HIP1: variants seen among roughly 807,000 people sequenced by gnomAD.
HIP1 encodes huntingtin-interacting protein 1.
A neutral mutation model predicts 147.6 loss-of-function variants in HIP1; 65 were observed. The ratio of observed to expected loss-of-function variants is 0.44; its 90% CI spans 0.36 to 0.54. The LOEUF is 0.54. HIP1 is among the 20% of genes least tolerant of loss of function. The pLI is 0.00. For synonymous variants in HIP1, 479 were observed against 504.0 expected (o/e 0.95, Z 0.67); for missense variants, 1,061 against 1,299.6 (o/e 0.82, Z 2.82).
chr7:75,600,698 T>C (rs1554502806), intron 1 of HIP1, among the ~76,000 whole-genome samples: 4 of 152,210 alleles, frequency 2.6e-5, no homozygotes, highest in Non-Finnish European at 5.9e-5. Flanking sequence ...CTTGGTTTTC[T>C]TGAATGTATC....
intron 2 of HIP1, among the ~76,000 whole-genome samples, chr7:75,595,251 T>TCTTTCTTTTTCTTTCTTTCTTTCTTC (rs1491144475): frequency 1.7e-5 from 1 of 59,504 alleles, no homozygotes; most frequent in Non-Finnish European, 3.1e-5. Context: ...TTTCTTTCTT[T>TCTTTCTTTTTCTTTCTTTCTTTCTTC]CTTCCTTCCT....
Position 75,659,317 on chromosome 7 carries a change from T to A in HIP1, c.121-60070A>T, listed in dbSNP as rs2696204. Among the ~76,000 whole-genome samples the A allele has an allele frequency of 8.9e-3, 1,351 of 152,278 alleles. 23 individuals are homozygous for A. Among genetic ancestry groups the A allele is most frequent in the African/African-American group, 0.031 (1,283 of 41,556 alleles). On this transcript the variant is annotated intron_variant, in intron 1 of 30. Coordinates refer to ENST00000336926, the MANE Select transcript of HIP1 (RefSeq NM_005338.7). ...GGGAATGCCCATTGCCAGACATGCA[T>A]CCTTATCTTTAATATTCACAATGCT...
rs150653095 is a variant in HIP1 at position 75,702,337 on chromosome 7, T to G, written c.120+36464A>C. Among the ~76,000 whole-genome samples the G allele has an allele frequency of 2.2e-3, 337 of 152,302 alleles. 3 individuals are homozygous for G. In the East Asian group the frequency reaches 0.035, roughly 16 times the overall value. ...GTTGGCCAGGCTGGTCTTGAACTCC[T>G]GACCCCATGATCTGCCTGCCTCGGC... On this transcript the variant is annotated intron_variant, in intron 1 of 30. Transcript: ENST00000336926.
intron 7 of HIP1, among the ~76,000 whole-genome samples, chr7:75,579,890 GAGT>G (rs1554498286): frequency 1.3e-5 from 2 of 152,144 alleles, no homozygotes; most frequent in African/African-American, 2.4e-5. Flanking sequence ...TTGTCTTTCA[GAGT>G]TGGATGCTTG....
rs372958531 is a variant in HIP1, at chr7:75,549,027, C to T, written c.2296-26G>A. 63 of 1,536,162 alleles carry T rather than the reference C, an allele frequency of 4.1e-5. No homozygotes were observed. In the African/African-American group the frequency reaches 7.9e-4, roughly 19 times the overall value. ...CTGTGAACACATCACAAAGGCTGAA[C>T]TGACCTTGGGGCCTCCTGTCTCTTC... On this transcript the variant is annotated intron_variant, in intron 22 of 30. Coordinates refer to ENST00000336926, the MANE Select transcript of HIP1 (RefSeq NM_005338.7).
intron 8 of HIP1, among the ~76,000 whole-genome samples, chr7:75,571,882 C>T (rs1584813770): frequency 6.6e-6 from 1 of 152,240 alleles, no homozygotes; most frequent in East Asian, 1.9e-4. Flanking sequence ...CTGTGCCCAC[C>T]CCAGACACAT....
At chr7:75,669,784 T>C (rs1554515064) in intron 1 of HIP1, among the ~76,000 whole-genome samples, 3 of 152,192 alleles carry the variant, frequency 2.0e-5, no homozygotes, top group Non-Finnish European at 2.9e-5. Flanking sequence ...TGTTGTAGCA[T>C]GAATCAGCAC....
intron 1 of HIP1, 114 bp downstream of exon 1, chr7:75,738,687 C>A: frequency 7.7e-7 from 1 of 1,291,082 alleles, no homozygotes. Flanking sequence ...GCTCACTACA[C>A]CCTCGCCCCG....
Position 75,592,127 on chromosome 7 carries a change from G to T in HIP1, c.328-15C>A. The T allele has an allele frequency of 6.2e-7, 1 of 1,610,512 alleles. No homozygotes were observed. Among genetic ancestry groups the T allele is most frequent in the Non-Finnish European group, 8.5e-7 (1 of 1,176,812 alleles). ...TCCTTCAGGACCTGCAGGGGCAAAA[G>T]AACAGCCTGTGAGAGAATGGAGAAG... On this transcript the variant is annotated splice_polypyrimidine_tract_variant and intron_variant, in intron 3 of 30. Transcript: ENST00000336926.
rs915166721 is a variant in HIP1 at position 75,535,570 on chromosome 7, G to T, written c.*2602C>A. The T allele has an allele frequency of 1.1e-5, 2 of 181,282 alleles. No homozygotes were observed. Among genetic ancestry groups the T allele is most frequent in the Non-Finnish European group, 2.4e-5 (2 of 84,918 alleles). 11.2% of individuals were successfully genotyped at this position (181,282 alleles called of 1,614,324 possible). A position where few individuals can be genotyped will look rare whatever the true frequency, so the allele number is the denominator to read the frequency against. On this transcript the variant is annotated 3_prime_UTR_variant, in exon 31 of 31. Coordinates refer to ENST00000336926, the MANE Select transcript of HIP1 (RefSeq NM_005338.7). ...AGATGAGGTCTTGCTATGATGCCCA[G>T]CCTGGTCTCAAACTCCTGAGCTCAA...
In HIP1 at chr7:75,598,358, C is replaced by G. The variant is rs1796833677; in HGVS notation, c.184+826G>C. ...GTTACAGTGAGCCGAGAACATGCCA[C>G]TGCCCTCCAGCCTGGGCAACAGAGT... On this transcript the variant is annotated intron_variant, in intron 2 of 30. Transcript: ENST00000336926. Among the ~76,000 whole-genome samples, 4 of 150,676 alleles carry G rather than the reference C, an allele frequency of 2.7e-5. No homozygotes were observed. The East Asian group carries it at 7.7e-4, about 29-fold the overall frequency.
intron 1 of HIP1, among the ~76,000 whole-genome samples, chr7:75,708,321 T>G (rs979514306): frequency 5.3e-5 from 8 of 152,200 alleles, no homozygotes; most frequent in Admixed American, 6.6e-5. Flanking sequence ...ATGTTGATAG[T>G]GTCTATTGAT....
At chr7:75,602,942 A>G (rs1554503260) in intron 1 of HIP1, among the ~76,000 whole-genome samples, 1 of 151,958 alleles carries the variant, frequency 6.6e-6, no homozygotes, top group African/African-American at 2.4e-5. Flanking sequence ...AAGAAGATGT[A>G]GGGATCCAGA....
At chr7:75,726,572 C>T (rs756639373) in intron 1 of HIP1, among the ~76,000 whole-genome samples, 26 of 152,240 alleles carry the variant, frequency 1.7e-4, no homozygotes, top group Non-Finnish European at 2.9e-4. Context: ...GCATGAGCCA[C>T]CATGCCTGGC....
intron 1 of HIP1, among the ~76,000 whole-genome samples, chr7:75,691,952 A>T (rs1291613727): frequency 3.9e-5 from 6 of 152,062 alleles, no homozygotes; most frequent in African/African-American, 1.4e-4. Context: ...GGGTGAAAGT[A>T]TCTTGGAACT....
chr7:75,686,544 C>T (rs1438319894), intron 1 of HIP1, among the ~76,000 whole-genome samples: 7 of 152,128 alleles, frequency 4.6e-5, no homozygotes, highest in East Asian at 1.9e-4. Context: ...GCGCAGGGAG[C>T]TTATTTGGTA....
At chr7:75,586,675 C>A in intron 5 of HIP1, 78 bp downstream of exon 5, 2 of 876,696 alleles carry the variant, frequency 2.3e-6, no homozygotes, top group Non-Finnish European at 3.8e-6. Context: ...AAAGAGCTGA[C>A]AAATGAGCCC....
chr7:75,598,269 C>T (rs587706602), intron 2 of HIP1, among the ~76,000 whole-genome samples: 23 of 152,150 alleles, frequency 1.5e-4, no homozygotes, highest in Admixed American at 1.3e-3. Context: ...TGGTGGCACA[C>T]GCCTGTCATC....
intron 1 of HIP1, among the ~76,000 whole-genome samples, chr7:75,709,935 A>C (rs1360160033): frequency 6.6e-6 from 1 of 152,154 alleles, no homozygotes. Flanking sequence ...TCAGTGGCAC[A>C]ATCATGGCTC....
Sources: gnomAD v4.1 joint callset for allele counts (sites outside exome capture counted in the v4.1 genomes callset) on GRCh38, gnomAD v4.1.1 for gene constraint, MANE v1.5 for transcripts, NCBI Gene and HGNC (gene_info 2026-07-23, HGNC 2026-07-21) for gene names.